CSRNP3: variants seen among roughly 807,000 people sequenced by gnomAD.
CSRNP3 encodes the protein cysteine and serine rich nuclear protein 3, also known as cysteine/serine-rich nuclear protein 3.
A neutral mutation model predicts 48.0 loss-of-function variants in CSRNP3; 12 were observed. That is an observed-to-expected ratio of 0.25 (90% CI 0.16 to 0.41). The LOEUF is 0.41. Ranked by LOEUF, CSRNP3 falls within the 10% of genes least tolerant of loss-of-function variation. CSRNP3 has a pLI of 1.00. For missense variants in CSRNP3, 580 were observed against 724.4 expected, an observed-to-expected ratio of 0.80 and a Z score of 2.29; for synonymous variants, 263 against 269.7, an observed-to-expected ratio of 0.98 and a Z score of 0.24.
intron 5 of CSRNP3, among the ~76,000 whole-genome samples, chr2:165,663,697 G>T (rs146230310): frequency 4.8e-4 from 73 of 152,298 alleles, no homozygotes; most frequent in Non-Finnish European, 8.4e-4. Context: ...TGATTAAAAT[G>T]TGGGGTATAT....
chr2:165,559,731 G>A (rs1052554042), intron 3 of CSRNP3, among the ~76,000 whole-genome samples: 1 of 149,386 alleles, frequency 6.7e-6, no homozygotes, highest in African/African-American at 2.5e-5. Context: ...TGCACTTTAA[G>A]TATCTTCCTA....
intron 3 of CSRNP3, among the ~76,000 whole-genome samples, chr2:165,587,608 A>G (rs1200663738): frequency 6.6e-6 from 1 of 152,178 alleles, no homozygotes. Context: ...CAGAGAAGGA[A>G]TTTTTATAGC....
intron 4 of CSRNP3, among the ~76,000 whole-genome samples, chr2:165,640,243 C>T (rs1268204746): frequency 6.6e-6 from 1 of 152,102 alleles, no homozygotes; most frequent in African/African-American, 2.4e-5. Flanking sequence ...TTATTTAATC[C>T]TCATAACAGC....
intron 4 of CSRNP3, among the ~76,000 whole-genome samples, chr2:165,604,830 G>T (rs142709798): frequency 6.6e-5 from 10 of 152,236 alleles, no homozygotes; most frequent in African/African-American, 2.4e-4. Context: ...GTTCTTGTTT[G>T]ATTTGTTTTA....
chr2:165,472,988 C>T (rs1683913915), intron 1 of CSRNP3, among the ~76,000 whole-genome samples: 1 of 152,036 alleles, frequency 6.6e-6, no homozygotes, highest in Non-Finnish European at 1.5e-5. Context: ...GCACTTTCAG[C>T]ATAAACACTG....
intron 3 of CSRNP3, among the ~76,000 whole-genome samples, chr2:165,571,645 C>A (rs950572863): frequency 1.3e-5 from 2 of 151,868 alleles, no homozygotes; most frequent in Non-Finnish European, 2.9e-5. Context: ...AAATAAGTTA[C>A]CGCAATTTTA....
At chr2:165,488,503 GCACCA>G (rs1489955548) in intron 1 of CSRNP3, among the ~76,000 whole-genome samples, 4 of 128,086 alleles carry the variant, frequency 3.1e-5, no homozygotes, top group Admixed American at 8.1e-5. Context: ...ATTTTTTTCA[GCACCA>G]CACCACACCT....
intron 1 of CSRNP3, among the ~76,000 whole-genome samples, chr2:165,483,165 C>T (rs1316984627): frequency 1.3e-5 from 2 of 151,852 alleles, no homozygotes; most frequent in Non-Finnish European, 2.9e-5. Flanking sequence ...CATTCAGGTG[C>T]CCTTTTCCAT....
At chr2:165,562,515 T>G (rs563989524) in intron 3 of CSRNP3, among the ~76,000 whole-genome samples, 118 of 152,284 alleles carry the variant, frequency 7.7e-4, no homozygotes, top group Middle Eastern at 3.4e-3. Context: ...TTTCATCTGG[T>G]TCATTTAGAC....
chr2:165,662,186 TA>T (rs1298527160), intron 5 of CSRNP3, among the ~76,000 whole-genome samples: 2 of 152,016 alleles, frequency 1.3e-5, no homozygotes, highest in African/African-American at 2.4e-5. Context: ...GAAAACAAAA[TA>T]AAAGTAGGAA....
chr2:165,671,758 GT>G (rs1279951441), intron 5 of CSRNP3, among the ~76,000 whole-genome samples: 1 of 152,138 alleles, frequency 6.6e-6, no homozygotes, highest in African/African-American at 2.4e-5. Context: ...CAGGAAATGG[GT>G]TTTTCTCTTC....
intron 4 of CSRNP3, among the ~76,000 whole-genome samples, chr2:165,600,502 T>TC (rs1685896558): frequency 6.6e-6 from 1 of 152,330 alleles, no homozygotes; most frequent in East Asian, 1.9e-4. Flanking sequence ...CCCTGAGGAA[T>TC]CACCACACTG....
intron 4 of CSRNP3, among the ~76,000 whole-genome samples, chr2:165,605,808 T>C (rs1686000795): frequency 6.6e-6 from 1 of 152,118 alleles, no homozygotes. Flanking sequence ...AAATTATTCT[T>C]CTGAAAAAGA....
chr2:165,486,039 T>C (rs1684108572), intron 1 of CSRNP3, among the ~76,000 whole-genome samples: 1 of 152,146 alleles, frequency 6.6e-6, no homozygotes, highest in African/African-American at 2.4e-5. Flanking sequence ...GGTACCGGGT[T>C]CATCTCACTA....
intron 2 of CSRNP3, among the ~76,000 whole-genome samples, chr2:165,510,758 T>C (rs1360203806): frequency 6.6e-6 from 1 of 152,194 alleles, no homozygotes; most frequent in Non-Finnish European, 1.5e-5. Flanking sequence ...GAGAAGCCTA[T>C]TGGCCATTCA....
At chr2:165,567,431 T>C (rs2105271598) in intron 3 of CSRNP3, among the ~76,000 whole-genome samples, 1 of 152,262 alleles carries the variant, frequency 6.6e-6, no homozygotes, top group East Asian at 1.9e-4. Flanking sequence ...TACAGCCATG[T>C]TCAAATGATT....
chr2:165,633,956 T>C lies in CSRNP3; in HGVS notation c.149-23805T>C, dbSNP rs559970506. On this transcript the variant is annotated intron_variant, in intron 4 of 6. Coordinates refer to ENST00000651982, the MANE Select transcript of CSRNP3 (RefSeq NM_001172173.2). ...TCAGTAGTCAAAATTAATTTCTTCATTGGGTTTTCATAACACTCCTTATGT... is the reference window on the plus strand; with the variant it reads ...TCAGTAGTCAAAATTAATTTCTTCACTGGGTTTTCATAACACTCCTTATGT... Among the ~76,000 whole-genome samples, 5 of 152,332 alleles carry C rather than the reference T, an allele frequency of 3.3e-5. No individual in the cohort carries two copies. The South Asian group carries it at 8.3e-4, about 25-fold the overall frequency.
chr2:165,604,787 G>T (rs780150138), intron 4 of CSRNP3, among the ~76,000 whole-genome samples: 3 of 152,230 alleles, frequency 2.0e-5, no homozygotes, highest in Non-Finnish European at 4.4e-5. Flanking sequence ...TACTAAGTCA[G>T]GTCACTAACA....
intron 1 of CSRNP3, among the ~76,000 whole-genome samples, chr2:165,476,494 G>A (rs780688428): frequency 1.3e-5 from 2 of 152,220 alleles, no homozygotes; most frequent in Admixed American, 6.5e-5. Context: ...TACTGTAAAC[G>A]TGTTCATTTA....
Sources: gnomAD v4.1 joint callset for allele counts (sites outside exome capture counted in the v4.1 genomes callset) on GRCh38, gnomAD v4.1.1 for gene constraint, MANE v1.5 for transcripts, NCBI Gene and HGNC (gene_info 2026-07-23, HGNC 2026-07-21) for gene names.